The following IQCM variants were observed in gnomAD, a reference collection of about 807,000 sequenced individuals.
IQCM encodes IQ motif containing M.
In IQCM, 45 loss-of-function variants were observed where a neutral mutation model predicts 57.6. The ratio of observed to expected loss-of-function variants is 0.78; its 90% CI spans 0.62 to 1.00. IQCM has a LOEUF of 1.00. IQCM is among the 50% of genes least tolerant of loss of function. IQCM has a pLI of 0.00. For synonymous variants in IQCM, 148 were observed against 158.9 expected, an observed-to-expected ratio of 0.93 and a Z score of 0.51; for missense variants, 468 against 511.6, an observed-to-expected ratio of 0.91 and a Z score of 0.82.
chr4:149,745,231 T>C lies in IQCM; in HGVS notation c.-48-2492A>G, dbSNP rs955222421. ...TGGGGGACATCAAGTTGTGTGTCTG[T>C]TTGATTTTAGCAGAGGGCTACATTT... On this transcript the variant is annotated intron_variant, in intron 2 of 13. Coordinates refer to ENST00000636793, the MANE Select transcript of IQCM (RefSeq NM_001363507.2). Among the ~76,000 whole-genome samples, 5 of 152,168 alleles carry C rather than the reference T, an allele frequency of 3.3e-5. No individual in the cohort carries two copies. In the East Asian group the frequency reaches 9.6e-4, roughly 29 times the overall value.
At chr4:149,501,051 G>T (rs1293819955) in intron 12 of IQCM, among the ~76,000 whole-genome samples, 2 of 152,048 alleles carry the variant, frequency 1.3e-5, no homozygotes, top group East Asian at 3.9e-4. Context: ...TATTTATTTG[G>T]CATGAAATAC....
At chr4:149,688,265 A>T (rs1206597559) in intron 5 of IQCM, among the ~76,000 whole-genome samples, 1 of 152,080 alleles carries the variant, frequency 6.6e-6, no homozygotes, top group Admixed American at 6.6e-5. Flanking sequence ...TCCAGATACA[A>T]GATTAATGTA....
At chr4:149,620,717 C>A in intron 8 of IQCM, among the ~76,000 whole-genome samples, 1 of 152,208 alleles carries the variant, frequency 6.6e-6, no homozygotes, top group East Asian at 1.9e-4. Context: ...AACATGTGGT[C>A]ATAAAATTGC....
chr4:149,669,072 G>C (rs1252403063), intron 7 of IQCM, among the ~76,000 whole-genome samples: 1 of 152,166 alleles, frequency 6.6e-6, no homozygotes, highest in Non-Finnish European at 1.5e-5. Flanking sequence ...CACAATGGTT[G>C]AATTAGTTTA....
At chr4:149,446,622 T>C (rs1177428501) in intron 12 of IQCM, among the ~76,000 whole-genome samples, 1 of 151,638 alleles carries the variant, frequency 6.6e-6, no homozygotes, top group African/African-American at 2.4e-5. Flanking sequence ...GGGTCTTACA[T>C]TTACTCATTT....
At chr4:149,414,389 C>T (rs964553556) in intron 13 of IQCM, among the ~76,000 whole-genome samples, 1 of 152,072 alleles carries the variant, frequency 6.6e-6, no homozygotes, top group Non-Finnish European at 1.5e-5. Flanking sequence ...GACAGTTTTT[C>T]TATTATATAA....
chr4:149,796,822 A>G (rs1416626400), intron 2 of IQCM, among the ~76,000 whole-genome samples: 1 of 152,144 alleles, frequency 6.6e-6, no homozygotes, highest in Non-Finnish European at 1.5e-5. Flanking sequence ...TCAAGGCAGC[A>G]CCTCTATGAT....
intron 12 of IQCM, among the ~76,000 whole-genome samples, chr4:149,481,713 T>TGTTTTTTTTTTTG (rs1560896112): frequency 1.7e-4 from 24 of 138,132 alleles, no homozygotes; most frequent in African/African-American, 5.6e-4. Context: ...TTTTTTTTTT[T>TGTTTTTTTTTTTG]TTTTTTTTTG....
chr4:149,804,986 A>T (rs1030315947), intron 2 of IQCM, among the ~76,000 whole-genome samples: 2 of 152,056 alleles, frequency 1.3e-5, no homozygotes, highest in Non-Finnish European at 2.9e-5. Context: ...ATCTTGAATG[A>T]TGATGGGAGA....
chr4:149,636,292 T>C (rs1009909383), intron 7 of IQCM, among the ~76,000 whole-genome samples: 2 of 152,166 alleles, frequency 1.3e-5, no homozygotes, highest in African/African-American at 4.8e-5. Flanking sequence ...AAAATTTTAA[T>C]TAATCTTTAA....
chr4:149,773,706 G>A (rs1358175326), intron 2 of IQCM, among the ~76,000 whole-genome samples: 1 of 152,180 alleles, frequency 6.6e-6, no homozygotes, highest in Non-Finnish European at 1.5e-5. Flanking sequence ...GAGGTGGAGG[G>A]GGCAGAGAGG....
At chr4:149,513,292 C>T (rs1440650447) in intron 12 of IQCM, among the ~76,000 whole-genome samples, 1 of 152,068 alleles carries the variant, frequency 6.6e-6, no homozygotes, top group African/African-American at 2.4e-5. Context: ...TGTACTCATC[C>T]TATTTATAGT....
chr4:149,718,904 C>A (rs1364474668), intron 5 of IQCM, among the ~76,000 whole-genome samples: 1 of 152,210 alleles, frequency 6.6e-6, no homozygotes, highest in Non-Finnish European at 1.5e-5. Flanking sequence ...CCCAAAAATT[C>A]TTATATTAAT....
chr4:149,497,559 T>G (rs1010688781), intron 12 of IQCM, among the ~76,000 whole-genome samples: 2 of 151,890 alleles, frequency 1.3e-5, no homozygotes, highest in Non-Finnish European at 1.5e-5. Flanking sequence ...CTCATAAAAT[T>G]TATTCCCTAT....
At chr4:149,490,939 T>C (rs1010391638) in intron 12 of IQCM, among the ~76,000 whole-genome samples, 2 of 152,120 alleles carry the variant, frequency 1.3e-5, no homozygotes, top group Non-Finnish European at 2.9e-5. Flanking sequence ...GGGAAACAGA[T>C]GCTAAGAGGA....
At chr4:149,460,109 C>T (rs1451178673) in intron 12 of IQCM, among the ~76,000 whole-genome samples, 1 of 152,100 alleles carries the variant, frequency 6.6e-6, no homozygotes, top group Non-Finnish European at 1.5e-5. Context: ...GGATAGTAGC[C>T]ATCCTAATGT....
chr4:149,490,356 TGG>T (rs969020263), intron 12 of IQCM, among the ~76,000 whole-genome samples: 2 of 152,040 alleles, frequency 1.3e-5, no homozygotes, highest in Non-Finnish European at 2.9e-5. Flanking sequence ...ACAATCTCAA[TGG>T]GATATGCTTA....
chr4:149,683,343 T>C (rs189620849), intron 6 of IQCM, among the ~76,000 whole-genome samples: 1 of 151,396 alleles, frequency 6.6e-6, no homozygotes, highest in African/African-American at 2.4e-5. Flanking sequence ...AAATCTTACA[T>C]AAATTTCTAG....
intron 7 of IQCM, among the ~76,000 whole-genome samples, chr4:149,656,946 C>T (rs372233350): frequency 7.9e-5 from 12 of 152,112 alleles, no homozygotes; most frequent in African/African-American, 2.4e-4. Flanking sequence ...GGCTGAGAGA[C>T]GGTGGTGGCA....
Sources: allele counts gnomAD v4.1 joint callset (sites outside exome capture counted in the v4.1 genomes callset), GRCh38; gene constraint gnomAD v4.1.1; transcripts MANE v1.5; gene names NCBI Gene and HGNC (gene_info 2026-07-23, HGNC 2026-07-21).